The following LAD1 variants were observed in gnomAD, a reference collection of about 807,000 sequenced individuals.
The protein encoded by LAD1 is ladinin-1.
Under a neutral mutation model 54.2 loss-of-function variants are expected in LAD1, and 53 were observed. That is an observed-to-expected ratio of 0.98 (90% CI 0.78 to 1.23). The LOEUF is 1.23. LAD1 is among the 50% of genes most tolerant of loss of function. The pLI is 0.00. For synonymous variants in LAD1, 231 were observed against 257.7 expected (o/e 0.90, Z 0.99); for missense variants, 637 against 653.3 (o/e 0.98, Z 0.27).
intron 1 of LAD1, 38 bp from the exon 2 acceptor site, chr1:201,389,341 A>T: frequency 6.3e-7 from 1 of 1,593,834 alleles, no homozygotes; most frequent in Non-Finnish European, 8.5e-7. Context: ...CAGCTGGGGA[A>T]ACCCAGGACC....
At chr1:201,385,855 C>A in intron 3 of LAD1, 50 bp from the exon 4 acceptor site, 1 of 1,377,540 alleles carries the variant, frequency 7.3e-7, no homozygotes, top group Non-Finnish European at 1.0e-6. Flanking sequence ...GCCCATCAAG[C>A]CGGGGCAGCC....
At chr1:201,381,927 G>A in intron 9 of LAD1, 34 bp from the exon 10 acceptor site, 1 of 1,610,216 alleles carries the variant, frequency 6.2e-7, no homozygotes, top group Non-Finnish European at 8.5e-7. Context: ...ACAAGTCAAT[G>A]GGGTGTCAGG....
At chr1:201,394,352 C>T (rs10920192) in intron 1 of LAD1, among the ~76,000 whole-genome samples, 14,176 of 152,230 alleles carry the variant, frequency 0.093, 1,534 homozygotes, top group African/African-American at 0.26. Context: ...AAAGGAAGTG[C>T]CTTTGGAGGA....
In LAD1 at chr1:201,382,326, C is replaced by T. The variant is rs900074592; in HGVS notation, c.1474G>A (p.Glu492Lys). The change falls in exon 9 of 10, where the codon GAG becomes AAG. Residue 492 changes from glutamate to lysine, a missense_variant and splice_region_variant. Transcript: ENST00000391967. The part of the protein sequence containing the change: ...TQESGDQDPQ[E>K]AQKASSATER... Reference sequence around the variant, plus strand: ...GTTGCAGATGATGCTTTCTGTGCCTCCTGATTGAGGGTATCAGGGTGGAGA... The same window carrying T: ...GTTGCAGATGATGCTTTCTGTGCCTTCTGATTGAGGGTATCAGGGTGGAGA... 7.4e-6 allele frequency: 12 copies of T among 1,612,808 alleles called. No homozygotes were observed. Among genetic ancestry groups the T allele is most frequent in the Non-Finnish European group, 1.0e-5 (12 of 1,178,862 alleles).
intron 1 of LAD1, among the ~76,000 whole-genome samples, chr1:201,391,891 CCT>C (rs1289761942): frequency 1.3e-5 from 2 of 152,206 alleles, no homozygotes; most frequent in African/African-American, 4.8e-5. Flanking sequence ...TGTGGTTCCC[CCT>C]GCATTGTCTG....
chr1:201,387,181 G>A lies in LAD1; in HGVS notation c.183-3C>T. ...CTGCTTCTTCCACGCTCGGTAGTCT[G>A]AATCAGAAGATGGGAGACAGAATCA... On this transcript the variant is annotated splice_region_variant and splice_polypyrimidine_tract_variant and intron_variant, in intron 2 of 9. Transcript: ENST00000391967. The A allele has an allele frequency of 6.7e-7, 1 of 1,501,056 alleles. No individual in the cohort carries two copies. The allele number at this position is 1,501,056 out of a possible 1,614,324, so 93.0% of individuals were successfully genotyped here. A position where few individuals can be genotyped will look rare whatever the true frequency, so the allele number is the denominator to read the frequency against.
chr1:201,384,877 G>A lies in LAD1; in HGVS notation c.1132-42C>T, dbSNP rs761988841. The A allele has an allele frequency of 6.2e-6, 10 of 1,603,662 alleles. No individual in the cohort carries two copies. The South Asian group carries it at 9.9e-5, about 16-fold the overall frequency. On this transcript the variant is annotated intron_variant, in intron 4 of 9. Coordinates refer to ENST00000391967, the MANE Select transcript of LAD1 (RefSeq NM_005558.4). ...AGGCATTGTTGTGTGGGAGTCCCCG[G>A]GAAATCGGTGGCCCCCTCGAGTGAG...
rs77535794 is a variant in LAD1, at chr1:201,397,766, T to C, written c.38+1503A>G. On this transcript the variant is annotated intron_variant, in intron 1 of 9. Transcript: ENST00000391967. Reference sequence around the variant, plus strand: ...TAAGAACCAGCTCCCCACACAGATGTGTCATCTCTTCATAGGCCATAAACA... The same window carrying C: ...TAAGAACCAGCTCCCCACACAGATGCGTCATCTCTTCATAGGCCATAAACA... Among the ~76,000 whole-genome samples the C allele has an allele frequency of 2.6e-5, 4 of 151,534 alleles. No individual in the cohort carries two copies. In the East Asian group the frequency reaches 7.7e-4, roughly 29 times the overall value.
rs1194750469 is a variant in LAD1 at position 201,386,677 on chromosome 1, C to T, written c.684G>A (p.Glu228=). 10 of 1,614,128 alleles carry T rather than the reference C, an allele frequency of 6.2e-6. No individual in the cohort carries two copies. In the East Asian group the frequency reaches 2.2e-4, roughly 36 times the overall value. Residue 228 remains glutamate (E), a synonymous_variant, in exon 3 of 10, where the codon GAG becomes GAA. Coordinates refer to ENST00000391967, the MANE Select transcript of LAD1 (RefSeq NM_005558.4). The stretch of plus-strand genomic sequence containing the variant: ...TGGTTTTTTCTAGAACAGACTTCTT[C>T]TCTGAGCTGTTTCTTTTCTCTGACA... ...IAVSEKRNSS[E]KKSVLEKTSV... is the part of the protein sequence containing the mutation.
At chr1:201,395,500 T>C (rs1405457628) in intron 1 of LAD1, among the ~76,000 whole-genome samples, 1 of 152,116 alleles carries the variant, frequency 6.6e-6, no homozygotes, top group East Asian at 1.9e-4. Context: ...ATGCTTGTAA[T>C]CCCAGCACTT....
Position 201,389,257 on chromosome 1 carries a change from C to G in LAD1, c.85G>C (p.Glu29Gln), listed in dbSNP as rs368797553. Reference sequence around the variant, plus strand: ...AGGTTGCGGTGCCGCCGCCTGCGCTCGCGCTCCTGTTCCTCCTCATCCTCC... The same window carrying G: ...AGGTTGCGGTGCCGCCGCCTGCGCTGGCGCTCCTGTTCCTCCTCATCCTCC... The part of the protein sequence containing the change: ...TLEDEEEQER[E>Q]RRRRHRNLSS... The change falls in exon 2 of 10, where the codon GAG becomes CAG. Residue 29 changes from glutamate to glutamine, a missense_variant. Physicochemically the swap from Glu to Gln is conservative, Grantham distance 29. Transcript: ENST00000391967. The G allele has an allele frequency of 5.6e-6, 9 of 1,614,034 alleles. No individual in the cohort carries two copies. Among genetic ancestry groups the G allele is most frequent in the Non-Finnish European group, 6.8e-6 (8 of 1,180,014 alleles).
chr1:201,385,872 C>T, intron 3 of LAD1, 67 bp from the exon 4 acceptor site: 2 of 1,137,404 alleles, frequency 1.8e-6, no homozygotes, highest in South Asian at 2.5e-5. Context: ...AGCCATAAAC[C>T]CCATGGCTCA....
Position 201,382,299 on chromosome 1 carries a change from C to T in LAD1, c.1501G>A (p.Glu501Lys), listed in dbSNP as rs764119320. Residue 501 changes from glutamate to lysine, a missense_variant, in exon 9 of 10, where the codon GAG becomes AAG. Glu to Lys is a moderately conservative substitution (Grantham distance 56, BLOSUM62 1). Transcript: ENST00000391967. ...GATTTCTGTCCCCACTGAGTCCTCTCGGTTGCAGATGATGCTTTCTGTGCC... is the reference window on the plus strand; with the variant it reads ...GATTTCTGTCCCCACTGAGTCCTCTTGGTTGCAGATGATGCTTTCTGTGCC... ...QEAQKASSAT[E>K]RTQWGQKSDS... is the part of the protein sequence containing the mutation. The T allele has an allele frequency of 7.4e-6, 12 of 1,613,776 alleles. No individual in the cohort carries two copies. The highest frequency in any genetic ancestry group is 2.7e-5 in the African/African-American group (2 of 74,912).
At chr1:201,389,857 GTGT>G (rs1227708223) in intron 1 of LAD1, among the ~76,000 whole-genome samples, 1 of 152,128 alleles carries the variant, frequency 6.6e-6, no homozygotes, top group African/African-American at 2.4e-5. Context: ...TATTGATTGT[GTGT>G]TGAAGTGGCA....
intron 1 of LAD1, among the ~76,000 whole-genome samples, chr1:201,391,542 G>T (rs976607633): frequency 1.3e-5 from 2 of 152,208 alleles, no homozygotes; most frequent in Non-Finnish European, 2.9e-5. Context: ...ACAGAACATG[G>T]CAGGGTCTCT....
Position 201,386,734 on chromosome 1 carries a change from T to A in LAD1, c.627A>T (p.Ser209=), listed in dbSNP as rs1425406627. ...KTSISEKVLA[S]EKTSLSEKIA... is the part of the protein sequence containing the mutation. ...TCTTCTCTGATAGAGATGTCTTCTCTGAGGCCAGCACCTTCTCAGAGATGG... is the reference window on the plus strand; with the variant it reads ...TCTTCTCTGATAGAGATGTCTTCTCAGAGGCCAGCACCTTCTCAGAGATGG... Residue 209 remains serine (S), a synonymous_variant, in exon 3 of 10, where the codon TCA becomes TCT. Transcript: ENST00000391967. 1 of 1,614,134 alleles carries A rather than the reference T, an allele frequency of 6.2e-7. No homozygotes were observed. The highest frequency in any genetic ancestry group is 2.2e-5 in the East Asian group (1 of 44,902).
intron 1 of LAD1, among the ~76,000 whole-genome samples, chr1:201,395,445 A>G (rs369325979): frequency 9.9e-5 from 15 of 152,162 alleles, no homozygotes; most frequent in African/African-American, 3.6e-4. Context: ...CTGTTCTAAT[A>G]CCCCTGGCAT....
At chr1:201,387,498 G>C (rs1484857278) in intron 2 of LAD1, among the ~76,000 whole-genome samples, 3 of 152,240 alleles carry the variant, frequency 2.0e-5, no homozygotes, top group Non-Finnish European at 2.9e-5. Context: ...GGGATCAAAA[G>C]GAATAAGCAC....
intron 1 of LAD1, 82 bp downstream of exon 1, chr1:201,399,187 G>C (rs1228318560): frequency 8.7e-7 from 1 of 1,151,828 alleles, no homozygotes; most frequent in African/African-American, 1.5e-5. Flanking sequence ...CCCAGGCGGG[G>C]AGGAGGCCGG....
Sources: gnomAD v4.1 joint callset for allele counts (sites outside exome capture counted in the v4.1 genomes callset) on GRCh38, gnomAD v4.1.1 for gene constraint, MANE v1.5 for transcripts, NCBI Gene and HGNC (gene_info 2026-07-23, HGNC 2026-07-21) for gene names.